Variants in EFEMP2 observed in about 807,000 individuals in gnomAD.
EFEMP2 encodes the protein EGF-like fibulin extracellular matrix protein 2, also known as EGF-containing fibulin-like extracellular matrix protein 2.
EFEMP2 carries 21 observed loss-of-function variants against 55.3 expected under a neutral mutation model. The ratio of observed to expected loss-of-function variants is 0.38; its 90% confidence interval spans 0.27 to 0.55. The LOEUF (loss-of-function observed/expected upper bound fraction) is 0.55, where lower values mean the gene tolerates loss of function less well. EFEMP2 is among the 20% of genes least tolerant of loss of function. EFEMP2 has a pLI of 0.77. For missense variants in EFEMP2, 513 were observed against 615.1 expected (o/e 0.83, Z 1.76); for synonymous variants, 275 against 242.3 (o/e 1.14, Z -1.25).
At chr11:65,871,415 G>A in intron 3 of EFEMP2, 52 bp from the exon 4 acceptor site, 1 of 1,578,712 alleles carries the variant, frequency 6.3e-7, no homozygotes, top group East Asian at 2.2e-5. Context: ...TGGCCCTGGA[G>A]GGAGCGGAGG....
At chr11:65,870,835 A>G in intron 4 of EFEMP2, 177 bp from the exon 5 acceptor site, 1 of 880,728 alleles carries the variant, frequency 1.1e-6, no homozygotes, top group East Asian at 2.6e-5. Context: ...TGCACAGGAA[A>G]TAAGGTCCTG....
At chr11:65,869,340 G>A (rs566180997) in intron 7 of EFEMP2, 58 of 195,414 alleles carry the variant, frequency 3.0e-4, no homozygotes, top group Admixed American at 2.1e-4. Context: ...TCATTTTGTA[G>A]AGGAAGGAGA....
chr11:65,868,198 C>G (rs1011843137), intron 9 of EFEMP2, 97 bp downstream of exon 9: 15 of 1,583,562 alleles, frequency 9.5e-6, no homozygotes, highest in Non-Finnish European at 8.6e-7. Context: ...TCCCATCATC[C>G]CTCAGGGGCA....
intron 1 of EFEMP2, 148 bp from the exon 2 acceptor site, chr11:65,872,509 A>G: frequency 1.7e-6 from 1 of 579,026 alleles, no homozygotes; most frequent in Admixed American, 2.9e-5. Flanking sequence ...GACTCCTCAC[A>G]GGCCCAGGTC....
rs1043468 is a variant in EFEMP2, at chr11:65,866,678, G to C, written c.*240C>G. 1.4e-6 allele frequency: 1 copy of C among 705,830 alleles called. No individual in the cohort carries two copies. Among genetic ancestry groups the C allele is most frequent in the African/African-American group, 1.7e-5 (1 of 57,268 alleles). The allele number at this position is 705,830 out of a possible 1,614,324, so 43.7% of individuals were successfully genotyped here. On this transcript the variant is annotated 3_prime_UTR_variant, in exon 11 of 11. Coordinates refer to ENST00000307998, the MANE Select transcript of EFEMP2 (RefSeq NM_016938.5). ...CGGGGTGACTGAAGCTCGTGGTGCA[G>C]AGCTCCCAGCTCCTGTCAATGGGGG...
chr11:65,868,353 C>A lies in EFEMP2; in HGVS notation c.916G>T (p.Gly306Cys). Residue 306 changes from glycine to cysteine, a missense_variant, in exon 9 of 11, where the codon GGC becomes TGC. Coordinates refer to ENST00000307998, the MANE Select transcript of EFEMP2 (RefSeq NM_016938.5). ...CGGTTGGTGTCCACGCAGCGGTAGC[C>A]CCCATGGAAGTTGACACAGGTTTGG... is the stretch of plus-strand genomic sequence containing the variant. Reference protein sequence around the residue: ...EAQTCVNFHGGYRCVDTNRCV... With the variant: ...EAQTCVNFHGCYRCVDTNRCV... 6.2e-7 allele frequency: 1 copy of A among 1,613,882 alleles called. No individual in the cohort carries two copies.
Position 65,868,635 on chromosome 11 carries a change from G to A in EFEMP2, c.728-6C>T. 5 of 1,613,794 alleles carry A rather than the reference G, an allele frequency of 3.1e-6. No homozygotes were observed. The highest frequency in any genetic ancestry group is 4.2e-6 in the Non-Finnish European group (5 of 1,180,024). On this transcript the variant is annotated splice_region_variant and splice_polypyrimidine_tract_variant and intron_variant, in intron 7 of 10. Coordinates refer to ENST00000307998, the MANE Select transcript of EFEMP2 (RefSeq NM_016938.5). Reference sequence around the variant, plus strand: ...GTAGCTACACTCATCAATATCTGAGGAAGCATGGGGATGGGGACCCCGGGT... The same window carrying A: ...GTAGCTACACTCATCAATATCTGAGAAAGCATGGGGATGGGGACCCCGGGT...
chr11:65,870,663 G>C lies in EFEMP2; in HGVS notation c.368-5C>G, dbSNP rs201248112. On this transcript the variant is annotated splice_polypyrimidine_tract_variant and splice_region_variant and intron_variant, in intron 4 of 10. Coordinates refer to ENST00000307998, the MANE Select transcript of EFEMP2 (RefSeq NM_016938.5). ...CCTGGGCACACTCGTCCACATCTGC[G>C]AGAGACACCACTCAGCCCCTGCCTG... 1 of 1,613,938 alleles carries C rather than the reference G, an allele frequency of 6.2e-7. No homozygotes were observed. The highest frequency in any genetic ancestry group is 1.3e-5 in the African/African-American group (1 of 75,004).
At chr11:65,868,126 AG>A in intron 9 of EFEMP2, 70 bp from the exon 10 acceptor site, 1 of 1,579,114 alleles carries the variant, frequency 6.3e-7, no homozygotes, top group Non-Finnish European at 8.6e-7. Flanking sequence ...TACCCTACAA[AG>A]GGAGGGAATC....
At chr11:65,872,066 A>G in intron 2 of EFEMP2, 48 bp from the exon 3 acceptor site, 1 of 1,550,574 alleles carries the variant, frequency 6.4e-7, no homozygotes, top group Non-Finnish European at 8.7e-7. Context: ...GATCTCCTCC[A>G]ACTGGCCAGG....
chr11:65,871,901 T>C (rs1412861465), intron 3 of EFEMP2, 69 bp downstream of exon 3: 1 of 1,538,072 alleles, frequency 6.5e-7, no homozygotes, highest in Admixed American at 2.0e-5. Flanking sequence ...GGTGGGGCTG[T>C]CCCTTGGAAA....
At position 65,866,983 on chromosome 11, in the gene EFEMP2, G is replaced by A; in HGVS notation, c.1267C>T (p.Leu423Phe). The stretch of plus-strand genomic sequence containing the variant: ...ACAGAGCTGGCCCGGTAGCTCATGA[G>A]GGAATTCATGGTGACCATCTCCAGG... ...LDLEMVTMNSLMSYRASSVLR... is the reference protein window; with the variant it reads ...LDLEMVTMNSFMSYRASSVLR... Residue 423 changes from leucine to phenylalanine, a missense_variant, in exon 11 of 11, where the codon CTC becomes TTC. Physicochemically the swap from Leu to Phe is conservative, Grantham distance 22. Coordinates refer to ENST00000307998, the MANE Select transcript of EFEMP2 (RefSeq NM_016938.5). 6.2e-7 allele frequency: 1 copy of A among 1,614,198 alleles called. No individual in the cohort carries two copies. Among genetic ancestry groups the A allele is most frequent in the South Asian group, 1.1e-5 (1 of 91,078 alleles).
In EFEMP2 at chr11:65,870,968, C is replaced by A. The variant is rs955128332; in HGVS notation, c.367+189G>T. 5.2e-6 allele frequency: 4 copies of A among 775,188 alleles called. No individual in the cohort carries two copies. In the African/African-American group the frequency reaches 6.8e-5, roughly 13 times the overall value. The allele number at this position is 775,188 out of a possible 1,614,324, so 48.0% of individuals were successfully genotyped here. A position where few individuals can be genotyped will look rare whatever the true frequency, so the allele number is the denominator to read the frequency against. The stretch of plus-strand genomic sequence containing the variant: ...TCTCTGCAGCAACCGAGGGGAGGGG[C>A]CCGGAGCTGGCTGGAGCAGTGGCAC... On this transcript the variant is annotated intron_variant, in intron 4 of 10. Transcript: ENST00000307998.
intron 3 of EFEMP2, 129 bp downstream of exon 3, chr11:65,871,841 G>A (rs973386136): frequency 1.7e-6 from 2 of 1,198,678 alleles, no homozygotes; most frequent in African/African-American, 3.0e-5. Flanking sequence ...CCTCTGTGTA[G>A]CAGAGCTGGG....
At position 65,867,913 on chromosome 11, in the gene EFEMP2, T is replaced by C; in HGVS notation, c.1118A>G (p.Tyr373Cys). 1.2e-6 allele frequency: 2 copies of C among 1,614,132 alleles called. No individual in the cohort carries two copies. The highest frequency in any genetic ancestry group is 8.5e-7 in the Non-Finnish European group (1 of 1,180,034). The change falls in exon 10 of 11, where the codon TAC becomes TGC. Residue 373 changes from tyrosine (Y) to cysteine (C), a missense_variant. Transcript: ENST00000307998. Reference sequence around the variant, plus strand: ...TCCAGCACGGATCTGAAAGGCATTGTAGGCACCGGGGTAGACGGAGGTCGC... The same window carrying C: ...TCCAGCACGGATCTGAAAGGCATTGCAGGCACCGGGGTAGACGGAGGTCGC... ...IQATSVYPGAYNAFQIRAGNS... is the reference protein window; with the variant it reads ...IQATSVYPGACNAFQIRAGNS...
chr11:65,868,455 G>A lies in EFEMP2; in HGVS notation c.848-34C>T, dbSNP rs780379870. The A allele has an allele frequency of 4.8e-5, 78 of 1,613,808 alleles. No homozygotes were observed. The Middle Eastern group carries it at 6.6e-4, about 14-fold the overall frequency. On this transcript the variant is annotated intron_variant, in intron 8 of 10. Transcript: ENST00000307998. ...GGGGAGAGGGGCTGGAATCGGGGGCGTCAGGCTGCCAGCTCCTGACACCGT... is the reference window on the plus strand; with the variant it reads ...GGGGAGAGGGGCTGGAATCGGGGGCATCAGGCTGCCAGCTCCTGACACCGT...
At chr11:65,870,807 A>C in intron 4 of EFEMP2, 149 bp from the exon 5 acceptor site, 1 of 1,119,088 alleles carries the variant, frequency 8.9e-7, no homozygotes, top group Non-Finnish European at 1.3e-6. Context: ...CTAACCTCTA[A>C]AACCACATGT....
In EFEMP2 at chr11:65,866,769, C is replaced by T. The variant is rs974586100; in HGVS notation, c.*149G>A. ...CTTGGCCTGCCCCCCCAAGTGCCAC[C>T]CTGCCCCAGCCTGAGGCTTCCTGCA... On this transcript the variant is annotated 3_prime_UTR_variant, in exon 11 of 11. Transcript: ENST00000307998. 2 of 1,060,990 alleles carry T rather than the reference C, an allele frequency of 1.9e-6. No individual in the cohort carries two copies. Among genetic ancestry groups the T allele is most frequent in the South Asian group, 1.3e-5 (1 of 74,636 alleles). 65.7% of individuals were successfully genotyped at this position (1,060,990 alleles called of 1,614,324 possible). A position where few individuals can be genotyped will look rare whatever the true frequency, so the allele number is the denominator to read the frequency against.
In EFEMP2 at chr11:65,871,244, C is replaced by T. The variant is rs370848091; in HGVS notation, c.280G>A (p.Glu94Lys). The T allele has an allele frequency of 7.7e-5, 124 of 1,613,920 alleles. No homozygotes were observed. The highest frequency in any genetic ancestry group is 9.7e-5 in the Non-Finnish European group (114 of 1,179,920). ...SAAVINDLHG[E>K]GPPPPVPPAQ... ...GGAGGCACTGGTGGCGGGGGTCCCT[C>T]GCCGTGTAGGTCGTTGATGACGGCA... is the stretch of plus-strand genomic sequence containing the variant. Residue 94 changes from glutamate (E) to lysine (K), a missense_variant, in exon 4 of 11, where the codon GAG (glutamate) becomes AAG (lysine). Glu to Lys is a moderately conservative substitution (Grantham distance 56). Coordinates refer to ENST00000307998, the MANE Select transcript of EFEMP2 (RefSeq NM_016938.5).
Sources: gnomAD v4.1 joint callset for allele counts on GRCh38, gnomAD v4.1.1 for gene constraint, MANE v1.5 for transcripts, NCBI Gene and HGNC (gene_info 2026-07-23, HGNC 2026-07-21) for gene names.